HMCN1: variants seen among roughly 807,000 people sequenced by gnomAD.
HMCN1 encodes hemicentin-1.
HMCN1 carries 321 observed loss-of-function variants against 625.9 expected under a neutral mutation model. The observed-to-expected ratio is 0.51, with a 90% confidence interval of 0.47 to 0.56. HMCN1 has a LOEUF of 0.56. Ranked by LOEUF, HMCN1 falls within the 20% of genes least tolerant of loss-of-function variation. The pLI is 0.00. For missense variants in HMCN1, 6,588 were observed against 6,887.3 expected (o/e 0.96, Z 1.54); for synonymous variants, 2,425 against 2,417.6 (o/e 1.00, Z -0.09).
intron 4 of HMCN1, among the ~76,000 whole-genome samples, chr1:185,874,502 CTG>C (rs1231945951): frequency 6.6e-6 from 1 of 151,912 alleles, no homozygotes; most frequent in East Asian, 1.9e-4. Flanking sequence ...AGTGAATTGA[CTG>C]TAATAGGGTT....
chr1:185,920,671 T>C (rs974576154), intron 6 of HMCN1, among the ~76,000 whole-genome samples: 4 of 152,156 alleles, frequency 2.6e-5, no homozygotes, highest in Admixed American at 2.0e-4. Context: ...ACTTGTATAA[T>C]TTCTGTTTTT....
intron 1 of HMCN1, among the ~76,000 whole-genome samples, chr1:185,819,876 T>C (rs1660079407): frequency 6.6e-6 from 1 of 152,212 alleles, no homozygotes; most frequent in African/African-American, 2.4e-5. Context: ...AATGTAGTTT[T>C]ATTTTCCATT....
chr1:185,806,546 CAAAA>C lies in HMCN1; in HGVS notation c.269-39463_269-39460del, dbSNP rs34411405. Among the ~76,000 whole-genome samples the C allele has an allele frequency of 3.5e-4, 36 of 103,344 alleles. 1 individual carries two copies. The South Asian group carries it at 5.1e-3, about 15-fold the overall frequency. 67.8% of individuals were successfully genotyped at this position (103,344 alleles called of 152,430 possible). On this transcript the variant is annotated intron_variant, in intron 1 of 106. Transcript: ENST00000271588. ...TGGGCAACAGAGTAAGACCCTGTCT[CAAAA>C]AAAAAAAAAAAAAAAAGACATAAGA...
chr1:185,883,954 A>T lies in HMCN1; in HGVS notation c.621+18091A>T, dbSNP rs74134353. On this transcript the variant is annotated intron_variant, in intron 4 of 106. Coordinates refer to ENST00000271588, the MANE Select transcript of HMCN1 (RefSeq NM_031935.3). The stretch of plus-strand genomic sequence containing the variant: ...TTGGATTGTAGACTAGATATTAGTT[A>T]TTGTTGAGTATTGGATTTTGTTGTG... 9.5e-3 allele frequency among the ~76,000 whole-genome samples: 1,099 copies of T among 115,548 alleles called. 13 individuals carry two copies. Among genetic ancestry groups the T allele is most frequent in the Middle Eastern group, 0.036 (4 of 110 alleles). The allele number at this position is 115,548 out of a possible 152,430, so 75.8% of individuals were successfully genotyped here.
intron 15 of HMCN1, among the ~76,000 whole-genome samples, chr1:185,974,866 A>G (rs1651087280): frequency 6.6e-6 from 1 of 152,086 alleles, no homozygotes; most frequent in Non-Finnish European, 1.5e-5. Context: ...TCCTGTCTTA[A>G]TTGAGTTTTG....
Position 185,989,473 on chromosome 1 carries a change from C to G in HMCN1, c.3049-15C>G. The G allele has an allele frequency of 6.2e-7, 1 of 1,613,448 alleles. No homozygotes were observed. Among genetic ancestry groups the G allele is most frequent in the African/African-American group, 1.3e-5 (1 of 74,992 alleles). Reference sequence around the variant, plus strand: ...AACAAACAAAAAACCCTTTGCTTTTCGCCGTGTTTTGCAGAAAGGAGAGCT... The same window carrying G: ...AACAAACAAAAAACCCTTTGCTTTTGGCCGTGTTTTGCAGAAAGGAGAGCT... On this transcript the variant is annotated splice_polypyrimidine_tract_variant and intron_variant, in intron 20 of 106. Transcript: ENST00000271588.
chr1:185,978,096 T>G (rs571720005), intron 16 of HMCN1, 115 bp downstream of exon 16: 1 of 746,054 alleles, frequency 1.3e-6, no homozygotes, highest in Non-Finnish European at 2.2e-6. Context: ...ACACATTTTA[T>G]GTTCATTGCA....
intron 93 of HMCN1, among the ~76,000 whole-genome samples, chr1:186,146,250 A>G (rs1197110410): frequency 1.3e-5 from 2 of 152,174 alleles, no homozygotes; most frequent in Non-Finnish European, 2.9e-5. Flanking sequence ...GAAAGCTACA[A>G]TTGGAGGCTG....
At chr1:186,133,241 G>T (rs541051134) in intron 86 of HMCN1, among the ~76,000 whole-genome samples, 241 of 152,276 alleles carry the variant, frequency 1.6e-3, no homozygotes, top group African/African-American at 5.6e-3. Context: ...TCAATGGAGT[G>T]CCCCTTCTTA....
Position 186,151,180 on chromosome 1 carries a change from GTTT to G in HMCN1, c.14609-13_14609-11del. The G allele has an allele frequency of 6.3e-7, 1 of 1,592,396 alleles. No homozygotes were observed. Among genetic ancestry groups the G allele is most frequent in the Non-Finnish European group, 8.6e-7 (1 of 1,163,256 alleles). ...TGAAATTGCATCCTTATCCAGGAAT[GTTT>G]TTTTTTCCCCCAATAGGTGGGCCCC... On this transcript the variant is annotated splice_polypyrimidine_tract_variant and intron_variant, in intron 93 of 106. Coordinates refer to ENST00000271588, the MANE Select transcript of HMCN1 (RefSeq NM_031935.3).
intron 1 of HMCN1, among the ~76,000 whole-genome samples, chr1:185,799,486 C>T (rs1042469948): frequency 9.9e-5 from 15 of 152,154 alleles, no homozygotes; most frequent in African/African-American, 3.4e-4. Context: ...ATGGCAGACA[C>T]AAGGACCAGC....
chr1:185,995,173 C>T (rs1339710712), intron 24 of HMCN1, 86 bp downstream of exon 24: 1 of 1,218,276 alleles, frequency 8.2e-7, no homozygotes, highest in Non-Finnish European at 1.2e-6. Context: ...CTTCGATAAT[C>T]TTAAATGACT....
chr1:185,979,397 GT>G (rs1180614220), intron 16 of HMCN1, among the ~76,000 whole-genome samples: 1 of 152,110 alleles, frequency 6.6e-6, no homozygotes, highest in African/African-American at 2.4e-5. Context: ...CAACCCAGAT[GT>G]TGATAAAAAG....
At chr1:185,939,775 AAAAAT>A (rs1231016121) in intron 11 of HMCN1, among the ~76,000 whole-genome samples, 99 of 152,280 alleles carry the variant, frequency 6.5e-4, no homozygotes, top group African/African-American at 2.3e-3. Flanking sequence ...AAATAATTGA[AAAAAT>A]AAAAGACAGT....
At chr1:185,784,021 G>A (rs924281385) in intron 1 of HMCN1, among the ~76,000 whole-genome samples, 110 of 152,314 alleles carry the variant, frequency 7.2e-4, no homozygotes, top group Middle Eastern at 6.8e-3. Flanking sequence ...CTTCCAGTCT[G>A]CTTTGTTTAC....
intron 1 of HMCN1, among the ~76,000 whole-genome samples, chr1:185,801,814 C>T (rs1177429983): frequency 1.3e-5 from 2 of 152,016 alleles, no homozygotes; most frequent in South Asian, 2.1e-4. Flanking sequence ...TGGCTGGAGG[C>T]GTAGGTAGAA....
In HMCN1 at chr1:186,079,353, AC is replaced by A. The variant is rs1192266622; in HGVS notation, c.8599+1134del. 5.9e-5 allele frequency among the ~76,000 whole-genome samples: 9 copies of A among 152,236 alleles called. No individual in the cohort carries two copies. The South Asian group carries it at 1.9e-3, about 32-fold the overall frequency. On this transcript the variant is annotated intron_variant, in intron 55 of 106. Transcript: ENST00000271588. ...CCTTAAAGGAGCCTGGCTCTCCCTT[AC>A]AGTGGTCAGTAGTATTACTCTCTCT... is the stretch of plus-strand genomic sequence containing the variant.
Position 185,773,471 on chromosome 1 carries a change from G to A in HMCN1, c.268+38424G>A, listed in dbSNP as rs564157947. Among the ~76,000 whole-genome samples, 4 of 152,268 alleles carry A rather than the reference G, an allele frequency of 2.6e-5. No individual in the cohort carries two copies. The East Asian group carries it at 7.7e-4, about 29-fold the overall frequency. ...CACTTATTGTTATTGATGATGTTAT[G>A]TCTGCACATGACATGTAGAATTGTT... On this transcript the variant is annotated intron_variant, in intron 1 of 106. Coordinates refer to ENST00000271588, the MANE Select transcript of HMCN1 (RefSeq NM_031935.3).
At chr1:186,090,656 C>A in intron 63 of HMCN1, 102 bp from the exon 64 acceptor site, 1 of 1,341,804 alleles carries the variant, frequency 7.5e-7, no homozygotes, top group Non-Finnish European at 1.1e-6. Flanking sequence ...CCATAATCTA[C>A]AAAGAATATG....
Sources: gnomAD v4.1 joint callset for allele counts (sites outside exome capture counted in the v4.1 genomes callset) on GRCh38, gnomAD v4.1.1 for gene constraint, MANE v1.5 for transcripts, NCBI Gene and HGNC (gene_info 2026-07-23, HGNC 2026-07-21) for gene names.